Variants in LZTFL1 observed in about 807,000 individuals in gnomAD.
LZTFL1 encodes leucine zipper transcription factor-like protein 1.
Under a neutral mutation model 45.9 loss-of-function variants are expected in LZTFL1, and 25 were observed. That is an observed-to-expected ratio of 0.54 (90% CI 0.40 to 0.76). The LOEUF is 0.76. Among genes scored for constraint, LZTFL1 ranks in the 30% least tolerant of loss-of-function variants. The pLI is 0.00. For missense variants in LZTFL1, 277 were observed against 331.1 expected, an observed-to-expected ratio of 0.84 and a Z score of 1.27; for synonymous variants, 93 against 117.4, an observed-to-expected ratio of 0.79 and a Z score of 1.35.
chr3:45,862,398 C>T (rs911651125), intron 2 of LZTFL1, among the ~76,000 whole-genome samples: 11 of 152,114 alleles, frequency 7.2e-5, no homozygotes, highest in African/African-American at 2.4e-4. Context: ...ATCTGCTTCC[C>T]AGGGAAGTGA....
At chr3:45,890,420 C>T (rs1217791842) in intron 2 of LZTFL1, among the ~76,000 whole-genome samples, 1 of 136,752 alleles carries the variant, frequency 7.3e-6, no homozygotes, top group Non-Finnish European at 1.5e-5. Flanking sequence ...CCGTATTCCC[C>T]AAGCTGTAAT....
In LZTFL1 at chr3:45,890,350, C is replaced by CATATATATATAACAT. The variant is rs1702136813; in HGVS notation, c.-215+22769_-215+22770insATGTTATATATATAT. Among the ~76,000 whole-genome samples the CATATATATATAACAT allele has an allele frequency of 8.7e-5, 2 of 23,092 alleles. 1 individual carries two copies. The highest frequency in any genetic ancestry group is 3.5e-4 in the African/African-American group (2 of 5,726). The allele number at this position is 23,092 out of a possible 152,430, so 15.1% of individuals were successfully genotyped here. ...ATATATATATAACATATATATATAA[C>CATATATATATAACAT]ATATATATATATATAACATATATAA... On this transcript the variant is annotated intron_variant, in intron 2 of 4. Coordinates refer to the LZTFL1 transcript ENST00000472635.
At chr3:45,877,799 G>A (rs1701775454) in intron 2 of LZTFL1, among the ~76,000 whole-genome samples, 2 of 147,854 alleles carry the variant, frequency 1.4e-5, no homozygotes, top group East Asian at 2.0e-4. Context: ...AGGCTGGAGT[G>A]CAGTGGCTTG....
chr3:45,855,343 C>T (rs1206747430), intron 3 of LZTFL1, among the ~76,000 whole-genome samples: 2 of 152,072 alleles, frequency 1.3e-5, no homozygotes, highest in Non-Finnish European at 2.9e-5. Flanking sequence ...GCGGAAAAGG[C>T]CTTCAATAAA....
chr3:45,913,106 T>C (rs1165455439), intron 2 of LZTFL1: 1 of 1,535,856 alleles, frequency 6.5e-7, no homozygotes, highest in African/African-American at 1.4e-5. Context: ...GTTCTGTAAA[T>C]GGTTCAGACT....
At chr3:45,835,446 T>C (rs145065231) in intron 3 of LZTFL1, 144 bp downstream of exon 3, 287 of 672,758 alleles carry the variant, frequency 4.3e-4, no homozygotes, top group African/African-American at 3.7e-3. Flanking sequence ...AAGAGATCAC[T>C]CAGTGACTCA....
At chr3:45,913,261 C>G in intron 1 of LZTFL1, 1 of 1,045,380 alleles carries the variant, frequency 9.6e-7, no homozygotes, top group Non-Finnish European at 1.4e-6. Context: ...GCTGATCTTT[C>G]TCTTGTTTTT....
intron 2 of LZTFL1, among the ~76,000 whole-genome samples, chr3:45,875,918 AG>A (rs1358455021): frequency 6.6e-6 from 1 of 152,182 alleles, no homozygotes; most frequent in Non-Finnish European, 1.5e-5. Flanking sequence ...ACTTATAGAA[AG>A]GAAGGGGAGG....
At chr3:45,868,757 T>C (rs1366966576) in intron 2 of LZTFL1, among the ~76,000 whole-genome samples, 2 of 152,164 alleles carry the variant, frequency 1.3e-5, no homozygotes, top group African/African-American at 4.8e-5. Context: ...TATTACAGTT[T>C]CCAAGCCTCT....
intron 2 of LZTFL1, among the ~76,000 whole-genome samples, chr3:45,872,144 G>C (rs904589900): frequency 5.3e-5 from 8 of 152,124 alleles, no homozygotes; most frequent in African/African-American, 1.9e-4. Flanking sequence ...TGAAGTCTGG[G>C]GGCTTGAGAA....
At chr3:45,887,981 A>T (rs2125736677) in intron 2 of LZTFL1, among the ~76,000 whole-genome samples, 1 of 152,360 alleles carries the variant, frequency 6.6e-6, no homozygotes, top group Admixed American at 6.5e-5. Context: ...ATCTGATTTG[A>T]TGTTAGTGCT....
At position 45,900,993 on chromosome 3, in the gene LZTFL1, G is replaced by A. The variant is rs147064657; in HGVS notation, c.-215+12127C>T. ...CGTGGGTGCCTTGGGCAACAGTCTT[G>A]TTATCCTTGTCTACTGGTACTGCAC... On this transcript the variant is annotated intron_variant, in intron 2 of 4. Transcript: ENST00000472635. This position sits in a 1 kb window ranked among gnomAD's most constrained non-coding sequence, Gnocchi z 4.7. 70 of 1,614,060 alleles carry A rather than the reference G, an allele frequency of 4.3e-5. No homozygotes were observed. The highest frequency in any genetic ancestry group is 1.3e-5 in the African/African-American group (1 of 74,916).
At chr3:45,887,274 T>A (rs1702012057) in intron 2 of LZTFL1, among the ~76,000 whole-genome samples, 1 of 151,752 alleles carries the variant, frequency 6.6e-6, no homozygotes, top group Non-Finnish European at 1.5e-5. Flanking sequence ...TGTGTGTGTG[T>A]GAGGTTGTGT....
intron 2 of LZTFL1, among the ~76,000 whole-genome samples, chr3:45,909,999 G>C (rs1419272390): frequency 6.6e-6 from 1 of 152,230 alleles, no homozygotes; most frequent in African/African-American, 2.4e-5. Context: ...TTGGTGATTG[G>C]AGGGTTATGA....
intron 2 of LZTFL1, among the ~76,000 whole-genome samples, chr3:45,867,442 G>C (rs779069322): frequency 1.3e-5 from 2 of 151,962 alleles, no homozygotes; most frequent in Non-Finnish European, 2.9e-5. Flanking sequence ...TCTTGCACCT[G>C]CTAGTCTGAA....
chr3:45,849,110 C>T (rs956380509), intron 4 of LZTFL1, among the ~76,000 whole-genome samples: 3 of 152,188 alleles, frequency 2.0e-5, no homozygotes, highest in African/African-American at 7.2e-5. Flanking sequence ...AGGATGCTAA[C>T]CATCCAGCAG....
intron 2 of LZTFL1, among the ~76,000 whole-genome samples, chr3:45,872,061 C>T (rs1701679006): frequency 6.6e-6 from 1 of 152,200 alleles, no homozygotes; most frequent in African/African-American, 2.4e-5. Flanking sequence ...CAAGGAATGG[C>T]AGGCCTAGGC....
intron 4 of LZTFL1, chr3:45,854,265 C>T (rs1273076001): frequency 6.6e-6 from 1 of 152,418 alleles, no homozygotes; most frequent in East Asian, 1.9e-4. Context: ...CTGAGGATGA[C>T]CATCAAATCT....
chr3:45,913,721 C>T (rs1019114575), intron 1 of LZTFL1, among the ~76,000 whole-genome samples: 1 of 151,818 alleles, frequency 6.6e-6, no homozygotes, highest in East Asian at 1.9e-4. Context: ...CCATTTTTTC[C>T]CCCACCCATT....
Sources: allele counts gnomAD v4.1 joint callset (sites outside exome capture counted in the v4.1 genomes callset), GRCh38; gene constraint gnomAD v4.1.1; non-coding constraint Gnocchi (gnomAD v3.1); transcripts MANE v1.5; gene names NCBI Gene and HGNC (gene_info 2026-07-23, HGNC 2026-07-21).